SCN1A: variants seen among roughly 807,000 people sequenced by gnomAD.
SCN1A encodes the protein sodium voltage-gated channel alpha subunit 1, also known as sodium channel protein type 1 subunit alpha.
SCN1A carries 13 observed loss-of-function variants against 193.7 expected under a neutral mutation model. The ratio of observed to expected loss-of-function variants is 0.07; its 90% CI spans 0.04 to 0.11. SCN1A has a LOEUF of 0.11. Among genes scored for constraint, SCN1A ranks in the 10% least tolerant of loss-of-function variants. The pLI is 1.00. For missense variants in SCN1A, 1,432 were observed against 2,451.1 expected (o/e 0.58, Z 8.78); for synonymous variants, 781 against 843.6 (o/e 0.93, Z 1.29).
At chr2:166,136,574 G>C (rs149310287) in intron 1 of SCN1A, among the ~76,000 whole-genome samples, 82 of 152,192 alleles carry the variant, frequency 5.4e-4, no homozygotes, top group African/African-American at 1.7e-3. Context: ...ATCACAAACA[G>C]AGTTACCCTT....
intron 19 of SCN1A, among the ~76,000 whole-genome samples, chr2:166,018,622 A>G (rs1366163515): frequency 6.6e-6 from 1 of 152,096 alleles, no homozygotes; most frequent in Non-Finnish European, 1.5e-5. Context: ...ATTCACAAAA[A>G]AACCTGAGTT....
rs367591519 is a variant in SCN1A, at chr2:166,015,573, A to C, written c.3550+34T>G. On this transcript the variant is annotated intron_variant, in intron 20 of 28. Coordinates refer to ENST00000674923, the MANE Select transcript of SCN1A (RefSeq NM_001165963.4). The stretch of plus-strand genomic sequence containing the variant: ...CAACAGCTAAACAAGCTGCACTCCA[A>C]ATGAAAGATTAACATTAGGATTCTT... 39 of 1,611,544 alleles carry C rather than the reference A, an allele frequency of 2.4e-5. No individual in the cohort carries two copies. The African/African-American group carries it at 4.9e-4, about 20-fold the overall frequency.
chr2:165,996,319 TTTA>T, intron 26 of SCN1A: 5 of 415,930 alleles, frequency 1.2e-5, no homozygotes, highest in Admixed American at 1.2e-4. Context: ...CAAAATTGAC[TTTA>T]TTATTATTAT....
At position 166,048,897 on chromosome 2, in the gene SCN1A, G is replaced by A. The variant is rs1698175594; in HGVS notation, c.1017C>T (p.Ser339=). The A allele has an allele frequency of 6.2e-7, 1 of 1,601,462 alleles. No homozygotes were observed. The highest frequency in any genetic ancestry group is 8.6e-7 in the Non-Finnish European group (1 of 1,169,250). Residue 339 remains serine, a synonymous_variant, in exon 10 of 29, where the codon AGC becomes AGT. Transcript: ENST00000674923. The stretch of plus-strand genomic sequence containing the variant: ...AATTATTGACTTACCCTGCATCAGA[G>A]CTATTTCCACATAGTAGTGCATCTA... ...GFLDALLCGN[S]SDAGQCPEGY... is the part of the protein sequence containing the mutation.
intron 2 of SCN1A, among the ~76,000 whole-genome samples, chr2:166,121,829 C>T (rs546705967): frequency 3.9e-5 from 6 of 152,248 alleles, no homozygotes; most frequent in East Asian, 1.9e-4. Flanking sequence ...TCTCAAACTC[C>T]GGTACCTCAG....
In SCN1A at chr2:165,991,134, TA is replaced by T; in HGVS notation, c.*110del. 2.1e-6 allele frequency: 2 copies of T among 962,860 alleles called. No individual in the cohort carries two copies. Among genetic ancestry groups the T allele is most frequent in the Non-Finnish European group, 1.6e-6 (1 of 643,116 alleles). 59.6% of individuals were successfully genotyped at this position (962,860 alleles called of 1,614,324 possible). ...GGCACTGACCTTAAGGAGATTTGTG[TA>T]AAAACAGTCAGTTTGGCATTGACCT... is the stretch of plus-strand genomic sequence containing the variant. On this transcript the variant is annotated 3_prime_UTR_variant, in exon 29 of 29. Transcript: ENST00000674923.
In SCN1A at chr2:166,036,406, G is replaced by A; in HGVS notation, c.3071C>T (p.Ala1024Val). 1.2e-6 allele frequency: 2 copies of A among 1,601,686 alleles called. No homozygotes were observed. Among genetic ancestry groups the A allele is most frequent in the South Asian group, 1.1e-5 (1 of 88,086 alleles). ...TTCATATATTTTTCTTTTCACATAA[G>A]CTACTCCTTTGTGCATCCTATCCAC... is the stretch of plus-strand genomic sequence containing the variant. ...IAVDRMHKGV[A>V]YVKRKIYEFI... Residue 1024 changes from alanine (A) to valine (V), a missense_variant, in exon 19 of 29, where the codon GCT becomes GTT. Around this residue, in one of 18 missense-constraint regions of SCN1A, gnomAD observed 198 missense variants for 225.8 expected, o/e 0.88. Coordinates refer to ENST00000674923, the MANE Select transcript of SCN1A (RefSeq NM_001165963.4).
intron 2 of SCN1A, among the ~76,000 whole-genome samples, chr2:166,086,478 A>G (rs1376080445): frequency 2.0e-5 from 3 of 152,168 alleles, no homozygotes; most frequent in Admixed American, 6.5e-5. Flanking sequence ...GAGGATGTGC[A>G]TGCTTCTCCT....
chr2:165,993,863 T>A, intron 28 of SCN1A: 1 of 484,988 alleles, frequency 2.1e-6, no homozygotes, highest in Non-Finnish European at 3.6e-6. Flanking sequence ...AATCTCAACA[T>A]GTCAAAAACA....
chr2:166,114,320 T>G (rs2106210529), intron 2 of SCN1A, among the ~76,000 whole-genome samples: 1 of 152,274 alleles, frequency 6.6e-6, no homozygotes, highest in East Asian at 1.9e-4. Flanking sequence ...CTAGCCCAAA[T>G]GGGTTCATTT....
At chr2:166,142,681 CTT>C (rs1692137392) in intron 1 of SCN1A, among the ~76,000 whole-genome samples, 1 of 152,182 alleles carries the variant, frequency 6.6e-6, no homozygotes, top group South Asian at 2.1e-4. Context: ...ACACTGACAA[CTT>C]TTAGAAATCC....
At chr2:166,024,756 A>G (rs1694521939) in intron 19 of SCN1A, among the ~76,000 whole-genome samples, 1 of 152,064 alleles carries the variant, frequency 6.6e-6, no homozygotes, top group Non-Finnish European at 1.5e-5. Context: ...TCTACCTCCC[A>G]GGTTCAAGCA....
chr2:166,074,636 A>C (rs1684814887), intron 3 of SCN1A, among the ~76,000 whole-genome samples: 1 of 152,210 alleles, frequency 6.6e-6, no homozygotes, highest in South Asian at 2.1e-4. Flanking sequence ...GTTTTAAGGC[A>C]TATTTAATAT....
intron 19 of SCN1A, among the ~76,000 whole-genome samples, chr2:166,020,059 C>T (rs1574087910): frequency 1.3e-5 from 2 of 151,950 alleles, no homozygotes; most frequent in Non-Finnish European, 2.9e-5. Context: ...TACAGGCGCC[C>T]GCCACCATGC....
At chr2:166,008,276 C>T (rs1371442479) in intron 23 of SCN1A, among the ~76,000 whole-genome samples, 2 of 151,090 alleles carry the variant, frequency 1.3e-5, no homozygotes, top group African/African-American at 2.4e-5. Context: ...GAGCACTTGA[C>T]CAATGAATTT....
intron 9 of SCN1A, 120 bp downstream of exon 9, chr2:166,051,599 G>A: frequency 1.4e-6 from 1 of 726,356 alleles, no homozygotes; most frequent in Non-Finnish European, 2.3e-6. Context: ...ATACAGGCCT[G>A]CAATGTGTGC....
At chr2:166,036,934 G>T (rs769257969) in intron 18 of SCN1A, among the ~76,000 whole-genome samples, 2 of 152,076 alleles carry the variant, frequency 1.3e-5, no homozygotes, top group East Asian at 3.9e-4. Flanking sequence ...ATATTAAATT[G>T]GATGTCAATT....
rs751088981 is a variant in SCN1A, at chr2:166,045,299, T to C, written c.1406A>G (p.His469Arg). The C allele has an allele frequency of 1.2e-6, 2 of 1,614,198 alleles. No individual in the cohort carries two copies. The highest frequency in any genetic ancestry group is 1.7e-4 in the Middle Eastern group (1 of 6,060). The change falls in exon 13 of 29, where the codon CAT becomes CGT. Residue 469 changes from histidine (H) to arginine (R), a missense_variant. This residue lies in a region of SCN1A where 58 missense variants were observed against 103.4 expected (regional missense o/e 0.56). Transcript: ENST00000674923. ...GCCTGCTGCACTGGGCTCTCTGGAA[T>C]GTTCTGAGGCAGTTGCCGTTGCTGC... ...QQAATATASEHSREPSAAGRL... is the reference protein window; with the variant it reads ...QQAATATASERSREPSAAGRL...
chr2:166,107,357 C>T (rs1158771400), intron 2 of SCN1A, among the ~76,000 whole-genome samples: 1 of 152,004 alleles, frequency 6.6e-6, no homozygotes, highest in East Asian at 1.9e-4. Context: ...GTACTTTACC[C>T]ATAACAGTCA....
Sources: allele counts gnomAD v4.1 joint callset (sites outside exome capture counted in the v4.1 genomes callset), GRCh38; gene constraint gnomAD v4.1.1; regional missense constraint gnomAD v4.1.1; transcripts MANE v1.5; gene names NCBI Gene and HGNC (gene_info 2026-07-23, HGNC 2026-07-21).